Variants in ARHGAP39 observed in about 807,000 individuals in gnomAD.
The protein encoded by ARHGAP39 is Rho GTPase activating protein 39, also known as rho GTPase-activating protein 39.
Under a neutral mutation model 106.9 loss-of-function variants are expected in ARHGAP39, and 44 were observed. The observed-to-expected ratio is 0.41, with a 90% confidence interval of 0.32 to 0.53. The LOEUF is 0.53. Among genes scored for constraint, ARHGAP39 ranks in the 20% least tolerant of loss-of-function variants. ARHGAP39 has a pLI of 0.21. For synonymous variants in ARHGAP39, 768 were observed against 693.2 expected, an observed-to-expected ratio of 1.11 and a Z score of -1.69; for missense variants, 1,496 against 1,577.3, an observed-to-expected ratio of 0.95 and a Z score of 0.87.
At chr8:144,551,672 G>A (rs1353075802) in intron 4 of ARHGAP39, among the ~76,000 whole-genome samples, 1 of 151,878 alleles carries the variant, frequency 6.6e-6, no homozygotes, top group African/African-American at 2.4e-5. Context: ...TCCTGAGCCT[G>A]CATTCCCCCA....
upstream of ARHGAP39, among the ~76,000 whole-genome samples, chr8:144,688,768 G>C (rs747220571): frequency 6.6e-6 from 1 of 152,172 alleles, no homozygotes; most frequent in South Asian, 2.1e-4. Flanking sequence ...TAGCACGCTC[G>C]TGGACCAGGT....
chr8:144,690,970 T>TA, the ARHGAP39 span, among the ~76,000 whole-genome samples: 1 of 152,108 alleles, frequency 6.6e-6, no homozygotes, highest in Non-Finnish European at 1.5e-5. Context: ...TTTGTCCATT[T>TA]AAAAAAATTG....
chr8:144,609,954 T>C (rs1263596094), intron 1 of ARHGAP39, among the ~76,000 whole-genome samples: 7 of 152,214 alleles, frequency 4.6e-5, no homozygotes, highest in African/African-American at 1.2e-4. Context: ...GATGGGCATG[T>C]AGTTTCTTTG....
In ARHGAP39 at chr8:144,533,225, T is replaced by A; in HGVS notation, c.2789A>T (p.Gln930Leu). ...GSALQEVMGM[Q>L]RERYPERQLP... ...CTGGCGCTCGGGGTAGCGCTCTCTC[T>A]GCATGCCCATGACCTCCTGCAGTGC... Residue 930 changes from glutamine (Q) to leucine (L), a missense_variant, in exon 9 of 12, where the codon CAG (glutamine) becomes CTG (leucine). By Grantham distance (113) the Gln-to-Leu change is moderately radical. This residue lies in a region of ARHGAP39 where 470 missense variants were observed against 605.1 expected (regional missense o/e 0.78). Transcript: ENST00000377307. The A allele has an allele frequency of 6.2e-7, 1 of 1,613,086 alleles. No homozygotes were observed. Among genetic ancestry groups the A allele is most frequent in the Non-Finnish European group, 8.5e-7 (1 of 1,179,976 alleles).
intron 1 of ARHGAP39, 126 bp from the exon 2 acceptor site, chr8:144,605,821 GC>G (rs970582097): frequency 7.3e-5 from 43 of 587,890 alleles, no homozygotes; most frequent in African/African-American, 6.0e-4. Context: ...CCCGTGAGCC[GC>G]CCCCGGGCAG....
chr8:144,580,810 C>T lies in ARHGAP39; in HGVS notation c.512+36G>A, dbSNP rs746240527. On this transcript the variant is annotated intron_variant, in intron 3 of 11. Transcript: ENST00000377307. ...CACCTGGCCCCGCCCACTCCATTCA[C>T]CTGGCCCCGCCCATAGCAGCTGCCC... 7.6e-6 allele frequency: 11 copies of T among 1,439,046 alleles called. No homozygotes were observed. In the South Asian group the frequency reaches 1.1e-4, roughly 14 times the overall value. The allele number at this position is 1,439,046 out of a possible 1,614,324, so 89.1% of individuals were successfully genotyped here.
At chr8:144,533,092 C>T (rs764252846) in intron 9 of ARHGAP39, 34 bp downstream of exon 9, 10 of 1,584,710 alleles carry the variant, frequency 6.3e-6, no homozygotes, top group Admixed American at 5.0e-5. Flanking sequence ...ATGGCTGTGG[C>T]CCCCACACCC....
intron 3 of ARHGAP39, among the ~76,000 whole-genome samples, chr8:144,557,604 A>C (rs1418396223): frequency 0.031 from 4,101 of 133,276 alleles, 5 homozygotes; most frequent in African/African-American, 0.12. Context: ...TAGTATTCAG[A>C]GGCAAAGGCT....
At chr8:144,544,254 C>A (rs1293882602) in intron 6 of ARHGAP39, among the ~76,000 whole-genome samples, 2 of 152,232 alleles carry the variant, frequency 1.3e-5, no homozygotes, top group African/African-American at 2.4e-5. Flanking sequence ...CCAACACTGT[C>A]CCCAGGAACC....
intron 1 of ARHGAP39, among the ~76,000 whole-genome samples, chr8:144,678,875 T>C (rs1010330386): frequency 1.3e-5 from 2 of 152,020 alleles, no homozygotes; most frequent in Non-Finnish European, 2.9e-5. Flanking sequence ...GGGGAGTGGC[T>C]CAAGGCTGGG....
chr8:144,542,331 G>A (rs1156877010), intron 6 of ARHGAP39, among the ~76,000 whole-genome samples: 2 of 152,214 alleles, frequency 1.3e-5, no homozygotes, highest in Non-Finnish European at 2.9e-5. Context: ...ACCTCGTGGG[G>A]CCTCAGTCCC....
At chr8:144,689,453 T>TTTTG (rs1822700797), upstream of ARHGAP39, among the ~76,000 whole-genome samples, 2 of 142,262 alleles carry the variant, frequency 1.4e-5, 1 homozygote, top group Non-Finnish European at 3.1e-5. Flanking sequence ...TTTTTTTTTT[T>TTTTG]TGAAAAGGAG....
chr8:144,530,134 A>T lies in ARHGAP39; in HGVS notation c.*288T>A. 1 of 454,336 alleles carries T rather than the reference A, an allele frequency of 2.2e-6. No individual in the cohort carries two copies. Among genetic ancestry groups the T allele is most frequent in the South Asian group, 3.0e-5 (1 of 33,884 alleles). 28.1% of individuals were successfully genotyped at this position (454,336 alleles called of 1,614,324 possible). On this transcript the variant is annotated 3_prime_UTR_variant, in exon 12 of 12. Coordinates refer to ENST00000377307, the MANE Select transcript of ARHGAP39 (RefSeq NM_025251.3). ...AGCGTCGCTCGGCTCCAGGACACAG[A>T]AGGCACTTTCTCGGAGCTGACCCGC...
chr8:144,531,269 GGGCTA>G (rs1564831694), intron 10 of ARHGAP39, among the ~76,000 whole-genome samples: 20 of 58,504 alleles, frequency 3.4e-4, no homozygotes, highest in Non-Finnish European at 4.4e-4. Context: ...GGTGGGGAGT[GGGCTA>G]GACATAGCAG....
chr8:144,660,203 C>A (rs1224926888), intron 1 of ARHGAP39, among the ~76,000 whole-genome samples: 2 of 152,182 alleles, frequency 1.3e-5, no homozygotes, highest in African/African-American at 2.4e-5. Flanking sequence ...ATCCAGGGCA[C>A]CTTGGCGTCA....
At chr8:144,692,748 CTTTTTTTT>C in the ARHGAP39 span, among the ~76,000 whole-genome samples, 13 of 69,050 alleles carry the variant, frequency 1.9e-4, no homozygotes, top group Middle Eastern at 0.014. Flanking sequence ...TTGTAAAATT[CTTTTTTTT>C]TTTTTTTTTT....
At chr8:144,676,149 G>A (rs796893200) in intron 1 of ARHGAP39, among the ~76,000 whole-genome samples, 13 of 152,330 alleles carry the variant, frequency 8.5e-5, no homozygotes, top group African/African-American at 2.9e-4. Context: ...GGACCCCAGC[G>A]TGTTGCCGCT....
chr8:144,547,767 C>T lies in ARHGAP39; in HGVS notation c.1319G>A (p.Arg440His), dbSNP rs759975258. The T allele has an allele frequency of 1.9e-6, 3 of 1,597,884 alleles. No homozygotes were observed. The highest frequency in any genetic ancestry group is 1.3e-5 in the African/African-American group (1 of 74,818). Reference sequence around the variant, plus strand: ...GTAGTCTCCGGACTTGACGCCCAGGCGCTGGTCCCTCAGCAGGCAGGGGCT... The same window carrying T: ...GTAGTCTCCGGACTTGACGCCCAGGTGCTGGTCCCTCAGCAGGCAGGGGCT... ...QPSPCLLRDQRLGVKSGDYST... is the reference protein window; with the variant it reads ...QPSPCLLRDQHLGVKSGDYST... Residue 440 changes from arginine (R) to histidine (H), a missense_variant, in exon 5 of 12, where the codon CGC becomes CAC. Transcript: ENST00000377307. This position sits in a 1 kb window ranked among gnomAD's most constrained non-coding sequence, Gnocchi z 5.2.
intron 7 of ARHGAP39, 95 bp from the exon 8 acceptor site, chr8:144,534,297 G>T: frequency 1.4e-6 from 2 of 1,439,560 alleles, no homozygotes; most frequent in Admixed American, 1.7e-5. Flanking sequence ...AGGGCCCTGG[G>T]GGGCTGGGCT....
Sources: gnomAD v4.1 joint callset for allele counts (sites outside exome capture counted in the v4.1 genomes callset) on GRCh38, gnomAD v4.1.1 for gene constraint, gnomAD v4.1.1 regional missense constraint, Gnocchi (gnomAD v3.1) non-coding constraint, MANE v1.5 for transcripts, NCBI Gene and HGNC (gene_info 2026-07-23, HGNC 2026-07-21) for gene names.